The following COL4A6 variants were observed in gnomAD, a reference collection of about 807,000 sequenced individuals.
COL4A6 encodes collagen type IV alpha 6 chain.
Under a neutral mutation model 126.7 loss-of-function variants are expected in COL4A6, and 59 were observed. The observed-to-expected ratio is 0.47, with a 90% CI of 0.38 to 0.58. COL4A6 has a LOEUF of 0.58. Among genes scored for constraint, COL4A6 ranks in the 20% least tolerant of loss-of-function variants. The pLI is 0.00. For synonymous variants in COL4A6, 547 were observed against 496.6 expected, an observed-to-expected ratio of 1.10 and a Z score of -1.35; for missense variants, 1,285 against 1,337.3, an observed-to-expected ratio of 0.96 and a Z score of 0.61.
chrX:108,229,713 T>C (rs1463257687), intron 3 of COL4A6, among the ~76,000 whole-genome samples: 1 of 112,315 alleles, frequency 8.9e-6, no homozygotes, highest in Non-Finnish European at 1.9e-5. Flanking sequence ...GAGTTCACAA[T>C]CTCTGAAAGG....
chrX:108,363,672 G>A (rs918019007), intron 2 of COL4A6, among the ~76,000 whole-genome samples: 2 of 112,207 alleles, frequency 1.8e-5, no homozygotes, highest in Admixed American at 1.9e-4. Flanking sequence ...CCTGCTACCT[G>A]TAAAGGGGGA....
intron 2 of COL4A6, among the ~76,000 whole-genome samples, chrX:108,427,071 G>A (rs2064099158): frequency 8.9e-6 from 1 of 111,914 alleles, no homozygotes; most frequent in African/African-American, 3.2e-5. Flanking sequence ...AGAACTGGAC[G>A]CAAAATAAGT....
intron 2 of COL4A6, among the ~76,000 whole-genome samples, chrX:108,395,932 C>T (rs188004989): frequency 3.6e-5 from 4 of 111,422 alleles, no homozygotes; most frequent in Non-Finnish European, 5.7e-5. Context: ...GATCCAGGAC[C>T]GCTTTAAACA....
intron 14 of COL4A6, among the ~76,000 whole-genome samples, chrX:108,196,025 A>G (rs1313764665): frequency 9.0e-6 from 1 of 111,655 alleles, no homozygotes; most frequent in African/African-American, 3.3e-5. Flanking sequence ...TCCATTTCAA[A>G]TGAGATTATT....
chrX:108,271,483 A>C (rs2056028960), intron 3 of COL4A6, among the ~76,000 whole-genome samples: 1 of 112,268 alleles, frequency 8.9e-6, no homozygotes, highest in South Asian at 3.7e-4. Flanking sequence ...GAGTGCAGGC[A>C]GGGGTATTTT....
intron 2 of COL4A6, among the ~76,000 whole-genome samples, chrX:108,357,143 T>C (rs924520467): frequency 1.8e-5 from 2 of 111,815 alleles, no homozygotes; most frequent in Non-Finnish European, 3.8e-5. Context: ...CAAATATAGA[T>C]AATTCACTCA....
At chrX:108,158,088 A>T (rs1418977481) in intron 44 of COL4A6, among the ~76,000 whole-genome samples, 1 of 112,828 alleles carries the variant, frequency 8.9e-6, no homozygotes, top group Non-Finnish European at 1.9e-5. Context: ...CAACCGAAGC[A>T]TCAAAATTTT....
chrX:108,380,216 C>G (rs745492389), intron 2 of COL4A6, among the ~76,000 whole-genome samples: 7 of 112,374 alleles, frequency 6.2e-5, no homozygotes, highest in Non-Finnish European at 1.1e-4. Context: ...CTATTTTTTA[C>G]TTTTGTGAAT....
At chrX:108,431,024 T>C (rs1338821050) in intron 2 of COL4A6, among the ~76,000 whole-genome samples, 2 of 111,337 alleles carry the variant, frequency 1.8e-5, no homozygotes, top group Non-Finnish European at 3.8e-5. Context: ...ATCATCACTA[T>C]ATAGGAGGCA....
At chrX:108,417,118 A>C (rs2041450384) in intron 2 of COL4A6, among the ~76,000 whole-genome samples, 1 of 111,587 alleles carries the variant, frequency 9.0e-6, no homozygotes. Context: ...TGAAGTATTG[A>C]TACTGCAATA....
intron 2 of COL4A6, among the ~76,000 whole-genome samples, chrX:108,386,954 A>T (rs1387782442): frequency 9.0e-6 from 1 of 111,646 alleles, no homozygotes; most frequent in African/African-American, 3.3e-5. Context: ...CTCTCCCAAC[A>T]CCATTTATTA....
At chrX:108,168,103 A>G (rs1394505487) in intron 37 of COL4A6, among the ~76,000 whole-genome samples, 1 of 112,637 alleles carries the variant, frequency 8.9e-6, no homozygotes, top group Non-Finnish European at 1.9e-5. Context: ...TATGTTGCTG[A>G]AATGTATCCT....
Position 108,179,454 on chromosome X carries a change from C to A in COL4A6, c.2132-16G>T, listed in dbSNP as rs369628906. 2 of 1,165,992 alleles carry A rather than the reference C, an allele frequency of 1.7e-6. No individual in the cohort carries two copies. The highest frequency in any genetic ancestry group is 1.8e-5 in the African/African-American group (1 of 56,051). On this transcript the variant is annotated splice_polypyrimidine_tract_variant and intron_variant, in intron 25 of 44. Transcript: ENST00000334504. ...CCAGGAAATCCTAAACGTAAAAAGG[C>A]GAACATAAAAGACCATGGCTGTTTA...
At chrX:108,224,379 C>T (rs2036105678) in intron 3 of COL4A6, among the ~76,000 whole-genome samples, 1 of 112,010 alleles carries the variant, frequency 8.9e-6, no homozygotes, top group African/African-American at 3.3e-5. Context: ...AAAGGCACCC[C>T]CTAGAGGAAC....
chrX:108,332,306 T>A (rs774671463), intron 2 of COL4A6, among the ~76,000 whole-genome samples: 1 of 111,868 alleles, frequency 8.9e-6, no homozygotes, highest in Admixed American at 9.5e-5. Context: ...CAGTGATAAA[T>A]ACATGAGTGC....
At chrX:108,255,107 A>C (rs73636392) in intron 3 of COL4A6, among the ~76,000 whole-genome samples, 8,368 of 100,784 alleles carry the variant, frequency 0.083, 856 homozygotes, top group African/African-American at 0.27. Flanking sequence ...GGCTCTACCC[A>C]TCTTGAGAGC....
At chrX:108,240,324 C>G (rs1483969754) in intron 3 of COL4A6, among the ~76,000 whole-genome samples, 1 of 112,076 alleles carries the variant, frequency 8.9e-6, no homozygotes, top group African/African-American at 3.2e-5. Flanking sequence ...GACATCTTTA[C>G]AGTAAGTCAT....
At chrX:108,310,923 T>C in intron 2 of COL4A6, 95 bp from the exon 3 acceptor site, 2 of 641,812 alleles carry the variant, frequency 3.1e-6, no homozygotes, top group Non-Finnish European at 5.0e-6. Flanking sequence ...CAAGTAAATC[T>C]ATTGCGGCTT....
Position 108,160,653 on chromosome X carries a change from T to G in COL4A6, c.4335A>C (p.Gly1445=). ...CGAAGGGGCCTTGCTGCCCTGGAGC[T>G]CCTGAGAGAGACAGATCATAAAAGG... The part of the protein sequence containing the change: ...PGLQGPPGFE[G]APGQQGPFGM... Residue 1445 remains glycine (G), a splice_region_variant and synonymous_variant, in exon 43 of 45, where the codon GGA becomes GGC. Transcript: ENST00000334504. 8.3e-7 allele frequency: 1 copy of G among 1,201,803 alleles called. No individual in the cohort carries two copies. The highest frequency in any genetic ancestry group is 1.7e-5 in the African/African-American group (1 of 57,608).
Sources: gnomAD v4.1 joint callset for allele counts (sites outside exome capture counted in the v4.1 genomes callset) on GRCh38, gnomAD v4.1.1 for gene constraint, MANE v1.5 for transcripts, NCBI Gene and HGNC (gene_info 2026-07-23, HGNC 2026-07-21) for gene names.